SERTAD4: variants seen among roughly 807,000 people sequenced by gnomAD.
The protein encoded by SERTAD4 is SERTA domain-containing protein 4.
In SERTAD4, 18 loss-of-function variants were observed where a neutral mutation model predicts 32.9. The ratio of observed to expected loss-of-function variants is 0.55; its 90% CI spans 0.38 to 0.81. SERTAD4 has a LOEUF of 0.81. Among genes scored for constraint, SERTAD4 ranks in the 30% least tolerant of loss-of-function variants. The probability of loss-of-function intolerance (pLI) is 0.00; values close to 1 mark genes in which losing one functional copy is unlikely to be tolerated. For missense variants in SERTAD4, 383 were observed against 426.0 expected (o/e 0.90, Z 0.89); for synonymous variants, 150 against 156.4 (o/e 0.96, Z 0.30).
At chr1:210,240,735 C>T (rs1372716703) in intron 3 of SERTAD4, among the ~76,000 whole-genome samples, 2 of 152,190 alleles carry the variant, frequency 1.3e-5, no homozygotes, top group African/African-American at 2.4e-5. Flanking sequence ...CATCTCGTCT[C>T]CCACTCAGCT....
chr1:210,234,918 A>G (rs1236429106), intron 1 of SERTAD4, among the ~76,000 whole-genome samples: 1 of 152,222 alleles, frequency 6.6e-6, no homozygotes, highest in Non-Finnish European at 1.5e-5. Context: ...TAACTTTACT[A>G]CGAACATTTG....
Position 210,237,942 on chromosome 1 carries a change from A to G in SERTAD4, c.-17-2A>G, listed in dbSNP as rs745525644. The G allele has an allele frequency of 5.1e-6, 8 of 1,563,052 alleles. No homozygotes were observed. Among genetic ancestry groups the G allele is most frequent in the Admixed American group, 1.9e-5 (1 of 51,684 alleles). ...TCTTGTTTTTTTTTTTTTTCTTTTC[A>G]GATCTGAGGCTGTCAGAGATGACTC... On this transcript the variant is annotated splice_acceptor_variant, in intron 1 of 3. Coordinates refer to ENST00000367012, the MANE Select transcript of SERTAD4 (RefSeq NM_019605.5). LOFTEE classifies it low-confidence loss of function (5UTR_SPLICE).
chr1:210,233,823 G>A (rs186172970), intron 1 of SERTAD4: 1 of 469,798 alleles, frequency 2.1e-6, no homozygotes, highest in Non-Finnish European at 4.4e-6. Flanking sequence ...CGGGCTTCCA[G>A]CGGGTTTGGC....
chr1:210,241,768 C>G lies in SERTAD4; in HGVS notation c.502C>G (p.Gln168Glu), dbSNP rs2083997733. 6.2e-6 allele frequency: 10 copies of G among 1,614,074 alleles called. No homozygotes were observed. The highest frequency in any genetic ancestry group is 8.5e-6 in the Non-Finnish European group (10 of 1,180,016). The change falls in exon 4 of 4, where the codon CAA becomes GAA. Residue 168 changes from glutamine to glutamate, a missense_variant. Physicochemically the swap from Gln to Glu is conservative, Grantham distance 29. Around this residue, in one of 3 missense-constraint regions of SERTAD4, gnomAD observed 107 missense variants for 158.8 expected, o/e 0.67. Coordinates refer to ENST00000367012, the MANE Select transcript of SERTAD4 (RefSeq NM_019605.5). ...CTCTGCCCAAGAGTGGTTTATGGCTCAAGACTGCCCTTACCGAAAACGACC... is the reference window on the plus strand; with the variant it reads ...CTCTGCCCAAGAGTGGTTTATGGCTGAAGACTGCCCTTACCGAAAACGACC... ...GTSAQEWFMA[Q>E]DCPYRKRPRM...
chr1:210,234,193 C>A, intron 1 of SERTAD4: 1 of 222,652 alleles, frequency 4.5e-6, no homozygotes, highest in South Asian at 5.5e-5. Context: ...GCACCGACAC[C>A]CCGGGGGTGT....
chr1:210,238,219 G>T (rs998108648), intron 2 of SERTAD4, 84 bp downstream of exon 2: 3 of 852,212 alleles, frequency 3.5e-6, no homozygotes, highest in Non-Finnish European at 3.7e-6. Context: ...GGTGTCTGGG[G>T]TGCCCCTCTG....
intron 3 of SERTAD4, among the ~76,000 whole-genome samples, chr1:210,240,825 T>A (rs1199530596): frequency 2.6e-5 from 4 of 152,160 alleles, no homozygotes; most frequent in African/African-American, 9.7e-5. Flanking sequence ...TGTCCTCTTA[T>A]CAAGCAAGGA....
chr1:210,233,546 C>A, intron 1 of SERTAD4: 1 of 396,192 alleles, frequency 2.5e-6, no homozygotes, highest in East Asian at 7.8e-5. Flanking sequence ...CTGACACCTT[C>A]TGTCCCCCGC....
chr1:210,239,110 G>GTA (rs10655175), intron 2 of SERTAD4, among the ~76,000 whole-genome samples: 4,791 of 152,164 alleles, frequency 0.031, 270 homozygotes, highest in African/African-American at 0.11. Flanking sequence ...AGTTAAAGAT[G>GTA]TATACATCTT....
Position 210,242,600 on chromosome 1 carries a change from A to T in SERTAD4, c.*263A>T. 8.4e-7 allele frequency: 1 copy of T among 1,186,774 alleles called. No homozygotes were observed. Among genetic ancestry groups the T allele is most frequent in the Middle Eastern group, 3.4e-4 (1 of 2,912 alleles). The allele number at this position is 1,186,774 out of a possible 1,614,324, so 73.5% of individuals were successfully genotyped here. The stretch of plus-strand genomic sequence containing the variant: ...ATATCATAGTTTTCTTACGGAAAAG[A>T]TCAGTAGATGAGATTGGGGGACAAT... On this transcript the variant is annotated 3_prime_UTR_variant, in exon 4 of 4. Transcript: ENST00000367012. This position sits in a 1 kb window ranked among gnomAD's most constrained non-coding sequence, Gnocchi z 4.0.
intron 3 of SERTAD4, 55 bp from the exon 4 acceptor site, chr1:210,241,503 T>G: frequency 6.7e-7 from 1 of 1,490,378 alleles, no homozygotes; most frequent in East Asian, 2.3e-5. Context: ...TTTTCTAAGC[T>G]TTCTCTCTTC....
At position 210,244,413 on chromosome 1, in the gene SERTAD4, A is replaced by G. The variant is rs571114106; in HGVS notation, c.*2076A>G. ...GAAAAAAATTGTATAACACGAAGCCATAAATACTGAATCTTAGCTGATTGC... is the reference window on the plus strand; with the variant it reads ...GAAAAAAATTGTATAACACGAAGCCGTAAATACTGAATCTTAGCTGATTGC... On this transcript the variant is annotated 3_prime_UTR_variant, in exon 4 of 4. Transcript: ENST00000367012. 3 of 152,362 alleles carry G rather than the reference A, an allele frequency of 2.0e-5. No homozygotes were observed. The South Asian group carries it at 6.2e-4, about 32-fold the overall frequency. The allele number at this position is 152,362 out of a possible 1,614,324, so 9.4% of individuals were successfully genotyped here.
At chr1:210,235,403 C>T (rs1442876463) in intron 1 of SERTAD4, among the ~76,000 whole-genome samples, 1 of 152,188 alleles carries the variant, frequency 6.6e-6, no homozygotes, top group Admixed American at 6.5e-5. Context: ...TAGGAAGACT[C>T]AATTGCAAAA....
chr1:210,234,958 T>C (rs982429271), intron 1 of SERTAD4, among the ~76,000 whole-genome samples: 2 of 152,144 alleles, frequency 1.3e-5, no homozygotes, highest in African/African-American at 4.8e-5. Flanking sequence ...TAGCCCTCAG[T>C]CTTCTGGGGA....
chr1:210,244,461 A>G lies in SERTAD4; in HGVS notation c.*2124A>G, dbSNP rs111700993. On this transcript the variant is annotated 3_prime_UTR_variant, in exon 4 of 4. Coordinates refer to ENST00000367012, the MANE Select transcript of SERTAD4 (RefSeq NM_019605.5). ...TGCATTATGAACTGTCAAACTGTGA[A>G]GATGACCCATATGTAAACAGTTATA... 13 of 152,356 alleles carry G rather than the reference A, an allele frequency of 8.5e-5. No homozygotes were observed. The highest frequency in any genetic ancestry group is 2.4e-4 in the African/African-American group (10 of 41,584). 9.4% of individuals were successfully genotyped at this position (152,356 alleles called of 1,614,324 possible).
chr1:210,242,196 C>A lies in SERTAD4; in HGVS notation c.930C>A (p.Cys310Ter). Reference protein sequence around the residue: ...EPVGNDLAFECKGQFYDYFET... With the variant: ...EPVGNDLAFE ...TGGGAAATGACCTTGCTTTTGAGTG[C>A]AAAGGCCAATTTTATGATTATTTTG... is the stretch of plus-strand genomic sequence containing the variant. Residue 310 changes from cysteine to a stop codon, truncating the protein, a stop_gained, in exon 4 of 4, where the codon TGC becomes TGA. Transcript: ENST00000367012. LOFTEE classifies it high-confidence loss of function. This position sits in a 1 kb window ranked among gnomAD's most constrained non-coding sequence, Gnocchi z 4.0. 2 of 1,614,124 alleles carry A rather than the reference C, an allele frequency of 1.2e-6. No homozygotes were observed. Among genetic ancestry groups the A allele is most frequent in the Non-Finnish European group, 1.7e-6 (2 of 1,180,024 alleles).
intron 1 of SERTAD4, chr1:210,233,868 T>C (rs2083912043): frequency 2.1e-6 from 1 of 465,648 alleles, no homozygotes; most frequent in African/African-American, 2.0e-5. Context: ...GGCCGACATC[T>C]GCTGCGGGCT....
intron 1 of SERTAD4, among the ~76,000 whole-genome samples, chr1:210,236,359 C>A (rs2083940489): frequency 6.6e-6 from 1 of 152,174 alleles, no homozygotes; most frequent in South Asian, 2.1e-4. Context: ...AGTCCTAATT[C>A]TCTCCACTGA....
intron 2 of SERTAD4, 69 bp from the exon 3 acceptor site, chr1:210,239,424 G>T (rs1017219021): frequency 3.9e-5 from 34 of 875,860 alleles, no homozygotes; most frequent in Middle Eastern, 2.1e-4. Flanking sequence ...GAAAGGAAAC[G>T]AAAGTATTTT....
Sources: allele counts gnomAD v4.1 joint callset (sites outside exome capture counted in the v4.1 genomes callset), GRCh38; gene constraint gnomAD v4.1.1; regional missense constraint gnomAD v4.1.1; non-coding constraint Gnocchi (gnomAD v3.1); transcripts MANE v1.5; gene names NCBI Gene and HGNC (gene_info 2026-07-23, HGNC 2026-07-21).